Variants in PAPOLG observed in about 807,000 individuals in gnomAD.
PAPOLG encodes the protein PAP-gamma.
A neutral mutation model predicts 99.0 loss-of-function variants in PAPOLG; 40 were observed. The observed-to-expected ratio is 0.40, with a 90% CI of 0.31 to 0.53. The LOEUF is 0.53. Among genes scored for constraint, PAPOLG ranks in the 20% least tolerant of loss-of-function variants. PAPOLG has a pLI of 0.41. For synonymous variants in PAPOLG, 310 were observed against 299.3 expected (o/e 1.04, Z -0.37); for missense variants, 675 against 884.1 (o/e 0.76, Z 3.00).
At position 60,794,098 on chromosome 2, in the gene PAPOLG, T is replaced by C. The variant is rs1484044218; in HGVS notation, c.1896T>C (p.Asn632=). The stretch of plus-strand genomic sequence containing the variant: ...CTGCCCAGGGACAACCGCATCTGAA[T>C]GGAATGTCAAATATAACTAAGACTG... ...HNPAQGQPHL[N]GMSNITKTVT... Residue 632 remains asparagine, a synonymous_variant, in exon 19 of 22, where the codon AAT becomes AAC. Coordinates refer to ENST00000238714, the MANE Select transcript of PAPOLG (RefSeq NM_022894.4). The C allele has an allele frequency of 6.2e-6, 10 of 1,614,114 alleles. No homozygotes were observed. The highest frequency in any genetic ancestry group is 8.5e-6 in the Non-Finnish European group (10 of 1,180,000).
intron 3 of PAPOLG, among the ~76,000 whole-genome samples, chr2:60,767,515 C>T (rs1670717544): frequency 6.6e-6 from 1 of 152,006 alleles, no homozygotes; most frequent in African/African-American, 2.4e-5. Context: ...GTTGCTCAGG[C>T]TGGTCTTGAA....
In PAPOLG at chr2:60,797,851, A is replaced by C. The variant is rs1032149657; in HGVS notation, c.*691A>C. On this transcript the variant is annotated 3_prime_UTR_variant, in exon 22 of 22. Coordinates refer to ENST00000238714, the MANE Select transcript of PAPOLG (RefSeq NM_022894.4). Reference sequence around the variant, plus strand: ...GATTACATAAGAGTTGGGCACCATAAATTCTCTATATTTTGCCTCCCATGG... The same window carrying C: ...GATTACATAAGAGTTGGGCACCATACATTCTCTATATTTTGCCTCCCATGG... The C allele has an allele frequency of 2.0e-5, 3 of 152,758 alleles. No homozygotes were observed. The highest frequency in any genetic ancestry group is 4.4e-5 in the Non-Finnish European group (3 of 68,042). 9.5% of individuals were successfully genotyped at this position (152,758 alleles called of 1,614,324 possible). A position where few individuals can be genotyped will look rare whatever the true frequency, so the allele number is the denominator to read the frequency against.
chr2:60,792,610 TGTGGCCAGGCACG>T, intron 17 of PAPOLG, among the ~76,000 whole-genome samples: 3 of 152,198 alleles, frequency 2.0e-5, no homozygotes, highest in Non-Finnish European at 4.4e-5. Flanking sequence ...AGCCAACAGT[TGTGGCCAGGCACG>T]GTGGCTCAGG....
chr2:60,770,752 T>G (rs1670829130), intron 6 of PAPOLG, among the ~76,000 whole-genome samples: 1 of 151,784 alleles, frequency 6.6e-6, no homozygotes, highest in African/African-American at 2.4e-5. Context: ...GCCTCCTGAG[T>G]GGCTAGGATT....
intron 21 of PAPOLG, 65 bp downstream of exon 21, chr2:60,795,085 A>T (rs2103829515): frequency 7.3e-7 from 1 of 1,369,486 alleles, no homozygotes; most frequent in Middle Eastern, 1.8e-4. Context: ...ATCTACAAGT[A>T]CAAAAGGCTT....
At chr2:60,783,379 G>A (rs35469992) in intron 13 of PAPOLG, among the ~76,000 whole-genome samples, 170 bp downstream of exon 13, 18,791 of 131,274 alleles carry the variant, frequency 0.14, 1,570 homozygotes, top group Middle Eastern at 0.24. Context: ...CTGGAGTGCA[G>A]TGTCGCGATC....
rs768955041 is a variant in PAPOLG, at chr2:60,781,976, G to A, written c.998G>A (p.Arg333Gln). Residue 333 changes from arginine (R) to glutamine (Q), a missense_variant, in exon 11 of 22, where the codon CGA becomes CAA. Arg to Gln is a conservative substitution (Grantham distance 43, BLOSUM62 1). Coordinates refer to ENST00000238714, the MANE Select transcript of PAPOLG (RefSeq NM_022894.4). ...NSTYNVSTST[R>Q]TVMVEEFKQG... is the part of the protein sequence containing the mutation. ...ACGTATAATGTGTCCACATCAACTC[G>A]AACAGTAATGGTAGAAGAATTTAAA... is the stretch of plus-strand genomic sequence containing the variant. The A allele has an allele frequency of 1.9e-6, 3 of 1,613,654 alleles. No individual in the cohort carries two copies. The highest frequency in any genetic ancestry group is 1.3e-5 in the African/African-American group (1 of 74,848).
In PAPOLG at chr2:60,787,065, G is replaced by T; in HGVS notation, c.1285G>T (p.Asp429Tyr). 6.3e-7 allele frequency: 1 copy of T among 1,591,912 alleles called. No individual in the cohort carries two copies. The highest frequency in any genetic ancestry group is 8.6e-7 in the Non-Finnish European group (1 of 1,168,854). The change falls in exon 14 of 22, where the codon GAC becomes TAC. Residue 429 changes from aspartate (D) to tyrosine (Y), a missense_variant and splice_region_variant. Asp to Tyr is a radical substitution (Grantham distance 160, BLOSUM62 -3). Coordinates refer to ENST00000238714, the MANE Select transcript of PAPOLG (RefSeq NM_022894.4). ...SFPGNKEHHK[D>Y]NNYVSMWFLG... ...CCCAGGGAATAAGGAACATCATAAA[G>T]AGTAAGTTAATTGTTTTATAATACT...
Position 60,797,092 on chromosome 2 carries a change from T to G in PAPOLG, c.2143T>G (p.Ser715Ala). ...ACCCAGTAAAGAACTACCAGATTCATCATCTCCAGTTCCAGCAAACAACAT... is the reference window on the plus strand; with the variant it reads ...ACCCAGTAAAGAACTACCAGATTCAGCATCTCCAGTTCCAGCAAACAACAT... ...RLPSKELPDS[S>A]SPVPANNIRV... is the part of the protein sequence containing the mutation. The change falls in exon 22 of 22, where the codon TCA becomes GCA. Residue 715 changes from serine to alanine, a missense_variant. Ser to Ala is a moderately conservative substitution (Grantham distance 99, BLOSUM62 1). This residue lies in a region of PAPOLG where 413 missense variants were observed against 460.5 expected (regional missense o/e 0.90). Coordinates refer to ENST00000238714, the MANE Select transcript of PAPOLG (RefSeq NM_022894.4). 6.2e-7 allele frequency: 1 copy of G among 1,613,424 alleles called. No homozygotes were observed. Among genetic ancestry groups the G allele is most frequent in the Non-Finnish European group, 8.5e-7 (1 of 1,179,322 alleles).
intron 19 of PAPOLG, 166 bp from the exon 20 acceptor site, chr2:60,794,544 C>T (rs1214627753): frequency 1.7e-5 from 11 of 630,578 alleles, no homozygotes; most frequent in Middle Eastern, 4.4e-4. Flanking sequence ...TAGAAATTAA[C>T]GGTGGCAGTT....
In PAPOLG at chr2:60,798,949, CAT is replaced by C. The variant is rs1671789550; in HGVS notation, c.*1791_*1792del. The C allele has an allele frequency of 6.6e-6, 1 of 152,298 alleles. No individual in the cohort carries two copies. Among genetic ancestry groups the C allele is most frequent in the Non-Finnish European group, 1.5e-5 (1 of 68,018 alleles). 9.4% of individuals were successfully genotyped at this position (152,298 alleles called of 1,614,324 possible). ...GCAGCAAAAGATAAGAATAAAATCA[CAT>C]AACCAAGTTGAAGCTTCCTTGGCAA... On this transcript the variant is annotated 3_prime_UTR_variant, in exon 22 of 22. Coordinates refer to ENST00000238714, the MANE Select transcript of PAPOLG (RefSeq NM_022894.4).
chr2:60,796,090 T>C (rs1027081652), intron 21 of PAPOLG, among the ~76,000 whole-genome samples: 4 of 152,134 alleles, frequency 2.6e-5, no homozygotes, highest in Non-Finnish European at 4.4e-5. Context: ...CATAATTGTT[T>C]TAATGCATAT....
At chr2:60,787,480 T>C in intron 14 of PAPOLG, 31 bp from the exon 15 acceptor site, 3 of 1,576,484 alleles carry the variant, frequency 1.9e-6, no homozygotes, top group Non-Finnish European at 2.6e-6. Flanking sequence ...ATAATAATAA[T>C]TAATGGAAAT....
intron 18 of PAPOLG, 67 bp downstream of exon 18, chr2:60,793,782 A>G (rs1671613927): frequency 7.8e-6 from 12 of 1,531,400 alleles, no homozygotes; most frequent in Admixed American, 1.9e-5. Flanking sequence ...ATGGTGGCAC[A>G]CGCCTGTAGT....
Position 60,781,911 on chromosome 2 carries a change from C to T in PAPOLG, c.933C>T (p.Leu311=). The T allele has an allele frequency of 6.2e-7, 1 of 1,613,776 alleles. No individual in the cohort carries two copies. Among genetic ancestry groups the T allele is most frequent in the South Asian group, 1.1e-5 (1 of 91,076 alleles). Residue 311 remains leucine (L), a synonymous_variant, in exon 11 of 22, where the codon CTC becomes CTT. Coordinates refer to ENST00000238714, the MANE Select transcript of PAPOLG (RefSeq NM_022894.4). The part of the protein sequence containing the change: ...PRVNPSDRYH[L]MPIITPAYPQ... ...TAAATCCATCAGATAGGTATCATCT[C>T]ATGCCCATAATCACCCCTGCCTACC...
At chr2:60,780,036 C>T (rs1016486396) in intron 9 of PAPOLG, among the ~76,000 whole-genome samples, 1 of 152,064 alleles carries the variant, frequency 6.6e-6, no homozygotes, top group South Asian at 2.1e-4. Flanking sequence ...ATGTAGAGGT[C>T]GTTTAAGCTT....
intron 15 of PAPOLG, among the ~76,000 whole-genome samples, chr2:60,789,014 C>G (rs1320146458): frequency 6.6e-6 from 1 of 152,084 alleles, no homozygotes; most frequent in East Asian, 1.9e-4. Flanking sequence ...ATGATGAGTT[C>G]ATGTCCTTCG....
At chr2:60,765,662 A>C (rs970306534) in intron 3 of PAPOLG, among the ~76,000 whole-genome samples, 1 of 152,194 alleles carries the variant, frequency 6.6e-6, no homozygotes, top group Non-Finnish European at 1.5e-5. Flanking sequence ...TCCCACATCA[A>C]ATCATTTTGG....
chr2:60,779,266 G>C (rs1273448333), intron 8 of PAPOLG, among the ~76,000 whole-genome samples: 2 of 152,054 alleles, frequency 1.3e-5, no homozygotes, highest in Non-Finnish European at 2.9e-5. Context: ...CTCTCCAAAT[G>C]TCTCCTTCCT....
Sources: allele counts gnomAD v4.1 joint callset (sites outside exome capture counted in the v4.1 genomes callset), GRCh38; gene constraint gnomAD v4.1.1; regional missense constraint gnomAD v4.1.1; transcripts MANE v1.5; gene names NCBI Gene and HGNC (gene_info 2026-07-23, HGNC 2026-07-21).